ATAD2B: variants seen among roughly 807,000 people sequenced by gnomAD.
ATAD2B encodes the protein ATPase family AAA domain containing 2B, also known as ATPase family AAA domain-containing protein 2B.
A neutral mutation model predicts 167.6 loss-of-function variants in ATAD2B; 40 were observed. The ratio of observed to expected loss-of-function variants is 0.24; its 90% CI spans 0.19 to 0.31. The LOEUF (loss-of-function observed/expected upper bound fraction) is 0.31. Among genes scored for constraint, ATAD2B ranks in the 10% least tolerant of loss-of-function variants. The probability of loss-of-function intolerance (pLI) is 1.00; values close to 1 mark genes in which losing one functional copy is unlikely to be tolerated. For missense variants in ATAD2B, 1,242 were observed against 1,757.2 expected (o/e 0.71, Z 5.24); for synonymous variants, 579 against 596.5 (o/e 0.97, Z 0.43).
Position 23,891,434 on chromosome 2 carries a change from GAA to G in ATAD2B, c.369-3037_369-3036del, listed in dbSNP as rs1322775269. Among the ~76,000 whole-genome samples the G allele has an allele frequency of 2.0e-5, 3 of 151,972 alleles. No homozygotes were observed. In the East Asian group the frequency reaches 5.8e-4, roughly 29 times the overall value. On this transcript the variant is annotated intron_variant, in intron 2 of 27. Transcript: ENST00000238789. ...TAAATTGAGTGGGTAGCTATTTTTT[GAA>G]AAGAAGGAAGGTGGGTTGGAGATTT...
chr2:23,684,648 A>T, the ATAD2B span: 1 of 905,980 alleles, frequency 1.1e-6, no homozygotes, highest in African/African-American at 1.8e-5. The surrounding 1 kb of genome is among the most constrained non-coding windows in gnomAD (Gnocchi z 4.4). Context: ...CCTGTCACAG[A>T]GCCAGTAGCC....
chr2:23,714,126 T>C, the ATAD2B span, among the ~76,000 whole-genome samples: 1 of 152,152 alleles, frequency 6.6e-6, no homozygotes, highest in Non-Finnish European at 1.5e-5. Flanking sequence ...AATAATGATA[T>C]GGAATTCTGA....
At chr2:23,844,063 C>G (rs1184091177) in intron 13 of ATAD2B, among the ~76,000 whole-genome samples, 1 of 152,116 alleles carries the variant, frequency 6.6e-6, no homozygotes, top group Admixed American at 6.5e-5. Flanking sequence ...TTCAGCCTCC[C>G]AAGTAGCTGG....
At chr2:23,740,807 C>T in the ATAD2B span, among the ~76,000 whole-genome samples, 70 of 152,270 alleles carry the variant, frequency 4.6e-4, no homozygotes, top group African/African-American at 1.4e-3. Context: ...AAAACCCCAT[C>T]GTCTCAGCCC....
the ATAD2B span, chr2:23,698,035 G>A: frequency 6.6e-6 from 1 of 152,226 alleles, no homozygotes; most frequent in Admixed American, 6.5e-5. Flanking sequence ...ATAGGGATTT[G>A]TTCAAGGATC....
At chr2:23,887,414 T>C (rs1467809780) in intron 4 of ATAD2B, among the ~76,000 whole-genome samples, 2 of 152,172 alleles carry the variant, frequency 1.3e-5, no homozygotes, top group Non-Finnish European at 2.9e-5. Flanking sequence ...ACATTAACTA[T>C]GCATCTAGAT....
chr2:23,906,222 T>G (rs1393017349), intron 1 of ATAD2B, among the ~76,000 whole-genome samples: 2 of 151,590 alleles, frequency 1.3e-5, no homozygotes, highest in Non-Finnish European at 2.9e-5. Flanking sequence ...GCGCCTGTAA[T>G]CCCAGCTACT....
At chr2:23,901,264 C>A (rs976495577) in intron 1 of ATAD2B, 5 of 152,038 alleles carry the variant, frequency 3.3e-5, no homozygotes, top group Non-Finnish European at 7.4e-5. Flanking sequence ...GAAACTAGTA[C>A]CTATAAACTA....
the ATAD2B span, among the ~76,000 whole-genome samples, chr2:23,740,619 G>C: frequency 6.6e-6 from 1 of 152,088 alleles, no homozygotes; most frequent in Non-Finnish European, 1.5e-5. Flanking sequence ...AAAACTGGAA[G>C]CATTCTCTTT....
the ATAD2B span, among the ~76,000 whole-genome samples, chr2:23,731,745 A>G: frequency 6.6e-6 from 1 of 152,194 alleles, no homozygotes; most frequent in Non-Finnish European, 1.5e-5. Flanking sequence ...TTTTGGGCTC[A>G]AGCACTTTGG....
chr2:23,756,733 A>C (rs1200918218), intron 25 of ATAD2B, among the ~76,000 whole-genome samples: 3 of 152,118 alleles, frequency 2.0e-5, no homozygotes, highest in Admixed American at 2.0e-4. Context: ...TTCCCCCACT[A>C]TTGGACTTAT....
At chr2:23,877,302 T>C (rs894776125) in intron 7 of ATAD2B, among the ~76,000 whole-genome samples, 1 of 151,206 alleles carries the variant, frequency 6.6e-6, no homozygotes, top group Non-Finnish European at 1.5e-5. Context: ...CTGACCAACA[T>C]GGTGAAACCC....
At chr2:23,918,448 T>C (rs576144396) in intron 1 of ATAD2B, among the ~76,000 whole-genome samples, 57 of 152,150 alleles carry the variant, frequency 3.7e-4, no homozygotes, top group Admixed American at 9.2e-4. Flanking sequence ...GAAACAAAAA[T>C]ATAAATATAC....
At chr2:23,703,439 G>C in the ATAD2B span, 1 of 1,358,182 alleles carries the variant, frequency 7.4e-7, no homozygotes, top group Non-Finnish European at 9.8e-7. Flanking sequence ...TTGCTGATTT[G>C]TTCAGTATCC....
At chr2:23,808,204 AAAAT>A (rs947260690) in intron 18 of ATAD2B, among the ~76,000 whole-genome samples, 39 of 107,084 alleles carry the variant, frequency 3.6e-4, no homozygotes, top group Non-Finnish European at 7.4e-4. Flanking sequence ...TATTTATATA[AAAAT>A]ATATATATAT....
intron 10 of ATAD2B, among the ~76,000 whole-genome samples, chr2:23,865,160 C>T (rs781307291): frequency 6.6e-6 from 1 of 151,856 alleles, no homozygotes; most frequent in Non-Finnish European, 1.5e-5. Context: ...AGGATTAATC[C>T]CCAACCTAAA....
rs927228525 is a variant in ATAD2B, at chr2:23,876,543, G to A, written c.902-639C>T. Among the ~76,000 whole-genome samples, 5 of 151,934 alleles carry A rather than the reference G, an allele frequency of 3.3e-5. No homozygotes were observed. The East Asian group carries it at 5.8e-4, about 18-fold the overall frequency. Reference sequence around the variant, plus strand: ...TCTCAAACTCCTGACCTCATGAGCCGCCCGCCTAGGCCTCCCAAATTACTG... The same window carrying A: ...TCTCAAACTCCTGACCTCATGAGCCACCCGCCTAGGCCTCCCAAATTACTG... On this transcript the variant is annotated intron_variant, in intron 7 of 27. Coordinates refer to ENST00000238789, the MANE Select transcript of ATAD2B (RefSeq NM_017552.4).
At chr2:23,794,427 T>C (rs1248694638) in intron 19 of ATAD2B, among the ~76,000 whole-genome samples, 1 of 152,208 alleles carries the variant, frequency 6.6e-6, no homozygotes, top group African/African-American at 2.4e-5. Flanking sequence ...CTGAAGTATA[T>C]AATGAAAACC....
chr2:23,875,212 T>C (rs975093092), intron 8 of ATAD2B, among the ~76,000 whole-genome samples: 1 of 151,052 alleles, frequency 6.6e-6, no homozygotes, highest in Non-Finnish European at 1.5e-5. Flanking sequence ...CTTTTAAAAG[T>C]AGAAACTGGT....
Sources: gnomAD v4.1 joint callset for allele counts (sites outside exome capture counted in the v4.1 genomes callset) on GRCh38, gnomAD v4.1.1 for gene constraint, Gnocchi (gnomAD v3.1) non-coding constraint, MANE v1.5 for transcripts, NCBI Gene and HGNC (gene_info 2026-07-23, HGNC 2026-07-21) for gene names.